Variants in CDH4 observed in about 807,000 individuals in gnomAD.
The protein encoded by CDH4 is cadherin-4.
Under a neutral mutation model 86.0 loss-of-function variants are expected in CDH4, and 33 were observed. That is an observed-to-expected ratio of 0.38 (90% CI 0.29 to 0.51). The LOEUF (loss-of-function observed/expected upper bound fraction) is 0.51. Among genes scored for constraint, CDH4 ranks in the 20% least tolerant of loss-of-function variants. The probability of loss-of-function intolerance (pLI) is 0.86; values close to 1 mark genes in which losing one functional copy is unlikely to be tolerated. For synonymous variants in CDH4, 555 were observed against 549.4 expected, an observed-to-expected ratio of 1.01 and a Z score of -0.14; for missense variants, 1,114 against 1,307.4, an observed-to-expected ratio of 0.85 and a Z score of 2.28.
At chr20:61,468,862 A>G (rs890917038) in intron 2 of CDH4, among the ~76,000 whole-genome samples, 12 of 152,176 alleles carry the variant, frequency 7.9e-5, no homozygotes, top group Admixed American at 4.6e-4. Flanking sequence ...CTCCAGTTCT[A>G]TCCATCTTAT....
Position 61,930,724 on chromosome 20 carries a change from G to A in CDH4, c.2239+882G>A, listed in dbSNP as rs540680750. 9.8e-5 allele frequency among the ~76,000 whole-genome samples: 15 copies of A among 152,320 alleles called. No individual in the cohort carries two copies. The South Asian group carries it at 1.9e-3, about 19-fold the overall frequency. On this transcript the variant is annotated intron_variant, in intron 13 of 15. Transcript: ENST00000614565. ...CAGACCTATCACCCCTTGAAAAGCC[G>A]GTTTTCATTTCTGAGGCTTGTTTTG...
chr20:61,266,423 G>A (rs1455187230), intron 2 of CDH4, among the ~76,000 whole-genome samples: 2 of 151,992 alleles, frequency 1.3e-5, no homozygotes, highest in Non-Finnish European at 2.9e-5. Flanking sequence ...GTCTGTATTG[G>A]AGAAATGTTG....
chr20:61,931,264 G>A (rs1048992282), intron 13 of CDH4, among the ~76,000 whole-genome samples: 6 of 152,230 alleles, frequency 3.9e-5, no homozygotes, highest in Non-Finnish European at 7.3e-5. Context: ...CAGGCTCCAG[G>A]TTCTCACGGA....
chr20:61,651,677 G>T (rs2087122481), intron 2 of CDH4, among the ~76,000 whole-genome samples: 1 of 152,190 alleles, frequency 6.6e-6, no homozygotes, highest in African/African-American at 2.4e-5. Flanking sequence ...CAGGGGACTT[G>T]CACCAACCTC....
intron 2 of CDH4, among the ~76,000 whole-genome samples, chr20:61,533,993 T>C (rs988450860): frequency 8.6e-5 from 13 of 150,788 alleles, no homozygotes; most frequent in Non-Finnish European, 1.9e-4. Context: ...ACCTCCTGTT[T>C]AGAGAGATAA....
chr20:61,662,922 C>T (rs949630711), intron 2 of CDH4, among the ~76,000 whole-genome samples: 10 of 152,108 alleles, frequency 6.6e-5, no homozygotes, highest in Non-Finnish European at 1.5e-4. Flanking sequence ...GGACTGTTAG[C>T]GGTCCCTGAC....
At chr20:61,317,801 G>T (rs140050112) in intron 2 of CDH4, among the ~76,000 whole-genome samples, 1 of 152,272 alleles carries the variant, frequency 6.6e-6, no homozygotes, top group African/African-American at 2.4e-5. Context: ...CGTTTTTTCC[G>T]TGTGAATTTG....
chr20:61,486,491 G>C (rs1445722475), intron 2 of CDH4, among the ~76,000 whole-genome samples: 1 of 152,248 alleles, frequency 6.6e-6, no homozygotes, highest in Non-Finnish European at 1.5e-5. Flanking sequence ...AACGCTCATG[G>C]CTCAGCAAAG....
chr20:61,565,196 G>GTGATGGGGAGGTGGTGGTGGTGGTGCTCT (rs1165196075), intron 2 of CDH4, among the ~76,000 whole-genome samples: 1 of 54,196 alleles, frequency 1.8e-5, no homozygotes, highest in Non-Finnish European at 3.8e-5. Context: ...GGTCCTCTTG[G>GTGATGGGGAGGTGGTGGTGGTGGTGCTCT]TGGTGGTCGC....
At chr20:61,439,745 G>T (rs144939083) in intron 2 of CDH4, among the ~76,000 whole-genome samples, 212 of 152,342 alleles carry the variant, frequency 1.4e-3, no homozygotes, top group African/African-American at 4.8e-3. Context: ...CCTCTGATGG[G>T]CAGTCCAGCA....
chr20:61,595,209 A>G (rs1168078599), intron 2 of CDH4, among the ~76,000 whole-genome samples: 2 of 152,198 alleles, frequency 1.3e-5, no homozygotes, highest in South Asian at 2.1e-4. Flanking sequence ...TCTGCTGCCA[A>G]TGTCTGGGTA....
At chr20:61,936,578 A>G (rs1292438862) in intron 15 of CDH4, among the ~76,000 whole-genome samples, 159 bp from the exon 16 acceptor site, 1 of 150,056 alleles carries the variant, frequency 6.7e-6, no homozygotes, top group African/African-American at 2.5e-5. Flanking sequence ...TCTACTCGGA[A>G]ATGCCCTTCA....
chr20:61,621,151 A>G (rs1157447823), intron 2 of CDH4, among the ~76,000 whole-genome samples: 3 of 152,206 alleles, frequency 2.0e-5, no homozygotes, highest in Non-Finnish European at 2.9e-5. Context: ...GTGAACTGAG[A>G]TTTCTGTAGA....
chr20:61,419,027 G>T (rs2085162503), intron 2 of CDH4, among the ~76,000 whole-genome samples: 1 of 152,132 alleles, frequency 6.6e-6, no homozygotes, highest in Non-Finnish European at 1.5e-5. Flanking sequence ...CAGCAAAGAC[G>T]TTTTTTCCAG....
rs1047711170 is a variant in CDH4, at chr20:61,746,102, G to A, written c.396+2313G>A. On this transcript the variant is annotated intron_variant, in intron 3 of 15. Transcript: ENST00000614565. ...CAGATGTTAAACCAGGCAGCAGAGC[G>A]TGCCTCTAACAGCAGTGGCCCCCAA... Among the ~76,000 whole-genome samples the A allele has an allele frequency of 6.6e-5, 10 of 152,002 alleles. 1 individual carries two copies. Among genetic ancestry groups the A allele is most frequent in the South Asian group, 4.2e-4 (2 of 4,798 alleles).
intron 2 of CDH4, among the ~76,000 whole-genome samples, chr20:61,327,831 T>C (rs1218733701): frequency 6.6e-6 from 1 of 152,182 alleles, no homozygotes; most frequent in Non-Finnish European, 1.5e-5. Flanking sequence ...CTCTAGCAGC[T>C]GAGGACTGTC....
At chr20:61,548,601 G>A (rs772044284) in intron 2 of CDH4, among the ~76,000 whole-genome samples, 18 of 152,026 alleles carry the variant, frequency 1.2e-4, no homozygotes, top group Non-Finnish European at 2.4e-4. Context: ...AAAAATTAAA[G>A]CATGTTTATA....
intron 2 of CDH4, among the ~76,000 whole-genome samples, chr20:61,508,986 C>T (rs983578235): frequency 6.6e-6 from 1 of 152,122 alleles, no homozygotes; most frequent in Admixed American, 6.5e-5. Flanking sequence ...CCAGGCCTCG[C>T]CCAGTGGTAC....
In CDH4 at chr20:61,809,972, C is replaced by T. The variant is rs368704956; in HGVS notation, c.577-34696C>T. Among the ~76,000 whole-genome samples the T allele has an allele frequency of 3.3e-5, 5 of 152,272 alleles. No individual in the cohort carries two copies. The South Asian group carries it at 6.2e-4, about 19-fold the overall frequency. On this transcript the variant is annotated intron_variant, in intron 4 of 15. Coordinates refer to ENST00000614565, the MANE Select transcript of CDH4 (RefSeq NM_001794.5). ...TCAGGGGAGGAAGATGGTCTGGCTGCCCTGTAGAAGACCATCGTATCAGTT... is the reference window on the plus strand; with the variant it reads ...TCAGGGGAGGAAGATGGTCTGGCTGTCCTGTAGAAGACCATCGTATCAGTT...
Sources: gnomAD v4.1 joint callset for allele counts (sites outside exome capture counted in the v4.1 genomes callset) on GRCh38, gnomAD v4.1.1 for gene constraint, MANE v1.5 for transcripts, NCBI Gene and HGNC (gene_info 2026-07-23, HGNC 2026-07-21) for gene names.